PPARGC1A: variants seen among roughly 807,000 people sequenced by gnomAD.
PPARGC1A encodes the protein PPARG coactivator 1 alpha, also known as peroxisome proliferator-activated receptor gamma coactivator 1-alpha.
In PPARGC1A, 25 loss-of-function variants were observed where a neutral mutation model predicts 88.7. That is an observed-to-expected ratio of 0.28 (90% CI 0.21 to 0.39). The LOEUF is 0.39. Ranked by LOEUF, PPARGC1A falls within the 10% of genes least tolerant of loss-of-function variation. The pLI is 1.00. For synonymous variants in PPARGC1A, 363 were observed against 355.6 expected (o/e 1.02, Z -0.24); for missense variants, 880 against 968.7 (o/e 0.91, Z 1.22).
chr4:23,936,254 T>C, the PPARGC1A span, among the ~76,000 whole-genome samples: 10 of 152,300 alleles, frequency 6.6e-5, no homozygotes, highest in African/African-American at 2.2e-4. Context: ...CGAAAATGCA[T>C]ATAACATAGG....
the PPARGC1A span, among the ~76,000 whole-genome samples, chr4:24,111,628 C>G: frequency 6.6e-6 from 1 of 152,152 alleles, no homozygotes; most frequent in Admixed American, 6.5e-5. Context: ...TCCATTATTA[C>G]TACTATTTAA....
the PPARGC1A span, among the ~76,000 whole-genome samples, chr4:24,374,899 TC>T: frequency 2.6e-4 from 40 of 151,718 alleles, no homozygotes; most frequent in Non-Finnish European, 4.4e-4. Context: ...AAGTATATGC[TC>T]AAGAGAAATG....
At chr4:24,263,312 C>T in the PPARGC1A span, among the ~76,000 whole-genome samples, 3 of 152,110 alleles carry the variant, frequency 2.0e-5, no homozygotes, top group Non-Finnish European at 2.9e-5. Context: ...AGAAGAGATG[C>T]GAGAGTGCAT....
chr4:24,096,510 C>G, the PPARGC1A span, among the ~76,000 whole-genome samples: 1 of 152,164 alleles, frequency 6.6e-6, no homozygotes, highest in South Asian at 2.1e-4. Flanking sequence ...TACCACAGCT[C>G]TAGCTGAATT....
the PPARGC1A span, among the ~76,000 whole-genome samples, chr4:24,138,244 G>T: frequency 6.6e-6 from 1 of 152,148 alleles, no homozygotes; most frequent in Admixed American, 6.5e-5. Context: ...CCCCCTGAAG[G>T]TCAGAGAACT....
the PPARGC1A span, among the ~76,000 whole-genome samples, chr4:24,180,145 ATATAACATG>A: frequency 3.9e-5 from 6 of 152,332 alleles, no homozygotes; most frequent in South Asian, 2.1e-4. Flanking sequence ...TCATTTACAT[ATATAACATG>A]TATAACATTA....
chr4:24,126,491 G>C, the PPARGC1A span, among the ~76,000 whole-genome samples: 3 of 152,170 alleles, frequency 2.0e-5, no homozygotes, highest in Non-Finnish European at 4.4e-5. Flanking sequence ...GTAGAAGCCC[G>C]TAGCAGGATG....
intron 1 of PPARGC1A, among the ~76,000 whole-genome samples, chr4:23,885,686 G>C (rs1716757935): frequency 6.6e-6 from 1 of 152,128 alleles, no homozygotes. Flanking sequence ...ACGTATGTGT[G>C]TGTACGGTTG....
the PPARGC1A span, among the ~76,000 whole-genome samples, chr4:24,103,058 C>T: frequency 2.0e-5 from 3 of 152,174 alleles, no homozygotes; most frequent in South Asian, 6.2e-4. Flanking sequence ...AGCTCAGAGG[C>T]TCAAAAATGT....
At chr4:24,399,319 T>G in the PPARGC1A span, among the ~76,000 whole-genome samples, 1 of 152,346 alleles carries the variant, frequency 6.6e-6, no homozygotes, top group Admixed American at 6.5e-5. Flanking sequence ...ACCCACTATA[T>G]AGCCACAATT....
the PPARGC1A span, among the ~76,000 whole-genome samples, chr4:24,360,719 G>A: frequency 6.6e-6 from 1 of 152,164 alleles, no homozygotes; most frequent in Non-Finnish European, 1.5e-5. Context: ...TGAGAGCTCA[G>A]TATTGTCTTT....
chr4:23,803,597 T>C (rs1293894722), intron 10 of PPARGC1A, among the ~76,000 whole-genome samples: 5 of 152,222 alleles, frequency 3.3e-5, no homozygotes, highest in Non-Finnish European at 5.9e-5. Context: ...CTATACCTCT[T>C]GTTCCAAGAA....
At chr4:24,417,016 C>T in the PPARGC1A span, among the ~76,000 whole-genome samples, 7 of 136,640 alleles carry the variant, frequency 5.1e-5, no homozygotes, top group South Asian at 2.3e-4. Context: ...GGCAACAGAG[C>T]GAGATTCCAT....
chr4:24,306,656 AC>A, the PPARGC1A span, among the ~76,000 whole-genome samples: 1 of 152,240 alleles, frequency 6.6e-6, no homozygotes, highest in Non-Finnish European at 1.5e-5. Flanking sequence ...ACATTGTAGT[AC>A]AAAAGCAATC....
At chr4:24,147,952 C>CA in the PPARGC1A span, among the ~76,000 whole-genome samples, 1 of 151,216 alleles carries the variant, frequency 6.6e-6, no homozygotes, top group East Asian at 2.0e-4. Flanking sequence ...TAAAAACAAA[C>CA]AAACAAACAA....
the PPARGC1A span, among the ~76,000 whole-genome samples, chr4:24,283,554 G>C: frequency 6.6e-6 from 1 of 152,170 alleles, no homozygotes; most frequent in Admixed American, 6.5e-5. Context: ...GGATAGTTCA[G>C]CTTTTCTTTA....
At chr4:24,437,139 G>T in the PPARGC1A span, among the ~76,000 whole-genome samples, 6 of 152,216 alleles carry the variant, frequency 3.9e-5, no homozygotes. Flanking sequence ...AATACGCATG[G>T]CAATGTCAGA....
chr4:24,363,182 T>C, the PPARGC1A span, among the ~76,000 whole-genome samples: 2 of 152,224 alleles, frequency 1.3e-5, no homozygotes, highest in Non-Finnish European at 2.9e-5. Flanking sequence ...AGAGCATTTA[T>C]AAACATTGTA....
At chr4:24,325,546 CCT>C in the PPARGC1A span, among the ~76,000 whole-genome samples, 1 of 152,172 alleles carries the variant, frequency 6.6e-6, no homozygotes, top group Non-Finnish European at 1.5e-5. Flanking sequence ...TCCTCCTAAG[CCT>C]TGTCCCATCT....
Sources: gnomAD v4.1 joint callset for allele counts (sites outside exome capture counted in the v4.1 genomes callset) on GRCh38, gnomAD v4.1.1 for gene constraint, MANE v1.5 for transcripts, NCBI Gene and HGNC (gene_info 2026-07-23, HGNC 2026-07-21) for gene names.